The following ZSWIM5 variants were observed in gnomAD, a reference collection of about 807,000 sequenced individuals.
ZSWIM5 encodes zinc finger SWIM domain-containing protein 5.
ZSWIM5 carries 55 observed loss-of-function variants against 119.6 expected under a neutral mutation model. The observed-to-expected ratio is 0.46, with a 90% confidence interval of 0.37 to 0.58. The LOEUF (loss-of-function observed/expected upper bound fraction) is 0.58, where lower values mean the gene tolerates loss of function less well. Among genes scored for constraint, ZSWIM5 ranks in the 20% least tolerant of loss-of-function variants. The probability of loss-of-function intolerance (pLI) is 0.00; values close to 1 mark genes in which losing one functional copy is unlikely to be tolerated. For missense variants in ZSWIM5, 1,193 were observed against 1,512.8 expected (o/e 0.79, Z 3.51); for synonymous variants, 537 against 606.9 (o/e 0.88, Z 1.69).
At chr1:45,170,572 G>A (rs188657560) in intron 1 of ZSWIM5, among the ~76,000 whole-genome samples, 1 of 151,496 alleles carries the variant, frequency 6.6e-6, no homozygotes, top group African/African-American at 2.4e-5. Context: ...TTACAGGCAC[G>A]TACCACCATG....
intron 2 of ZSWIM5, among the ~76,000 whole-genome samples, chr1:45,067,955 G>C (rs1645195095): frequency 6.6e-6 from 1 of 152,036 alleles, no homozygotes; most frequent in Non-Finnish European, 1.5e-5. Flanking sequence ...GACAAGTGAA[G>C]ATAAGATAGA....
intron 1 of ZSWIM5, among the ~76,000 whole-genome samples, chr1:45,205,523 G>A (rs1646182389): frequency 6.6e-6 from 1 of 152,188 alleles, no homozygotes; most frequent in Non-Finnish European, 1.5e-5. Flanking sequence ...GTGAAGAAGA[G>A]AGATCTATTC....
chr1:45,109,603 G>C (rs1468298723), intron 1 of ZSWIM5, among the ~76,000 whole-genome samples: 1 of 151,964 alleles, frequency 6.6e-6, no homozygotes, highest in Admixed American at 6.6e-5. Flanking sequence ...AAATTTGCTG[G>C]GCATGGTGGC....
rs1645226646 is a variant in ZSWIM5, at chr1:45,072,313, T to C, written c.953-12066A>G. Among the ~76,000 whole-genome samples the C allele has an allele frequency of 6.6e-6, 1 of 152,036 alleles. No individual in the cohort carries two copies. The highest frequency in any genetic ancestry group is 2.4e-5 in the African/African-American group (1 of 41,262). Reference sequence around the variant, plus strand: ...ATTGAATTAAGCTCCTTATATATTCTTGTTATTAAGTCCTTGTCAGATGGG... The same window carrying C: ...ATTGAATTAAGCTCCTTATATATTCCTGTTATTAAGTCCTTGTCAGATGGG... On this transcript the variant is annotated intron_variant, in intron 2 of 13. Coordinates refer to ENST00000359600, the MANE Select transcript of ZSWIM5 (RefSeq NM_020883.2). The surrounding 1 kb of genome is among the most constrained non-coding windows in gnomAD (Gnocchi z 4.1).
intron 1 of ZSWIM5, among the ~76,000 whole-genome samples, chr1:45,164,511 A>C (rs1645887627): frequency 6.6e-6 from 1 of 152,178 alleles, no homozygotes; most frequent in African/African-American, 2.4e-5. Flanking sequence ...CTCCAATTAA[A>C]AGACACAGAC....
chr1:45,200,233 T>C (rs1023025735), intron 1 of ZSWIM5, among the ~76,000 whole-genome samples: 10 of 152,190 alleles, frequency 6.6e-5, no homozygotes, highest in African/African-American at 2.4e-4. Context: ...GTTGACTATA[T>C]ATGATTACAA....
chr1:45,061,372 CTTT>C (rs34346997), intron 2 of ZSWIM5, among the ~76,000 whole-genome samples: 93 of 143,336 alleles, frequency 6.5e-4, no homozygotes, highest in Admixed American at 1.4e-3. Context: ...TCTATGCATA[CTTT>C]TTTTTTTTTT....
intron 1 of ZSWIM5, among the ~76,000 whole-genome samples, chr1:45,196,032 T>A (rs1362466167): frequency 1.4e-5 from 2 of 142,154 alleles, no homozygotes; most frequent in African/African-American, 2.6e-5. Flanking sequence ...TACACCCAGC[T>A]AGTTTTTTTT....
intron 1 of ZSWIM5, among the ~76,000 whole-genome samples, chr1:45,171,495 T>C (rs979930979): frequency 1.3e-5 from 2 of 152,136 alleles, no homozygotes; most frequent in Non-Finnish European, 2.9e-5. Flanking sequence ...GAAAGTCTAC[T>C]AACAGTTTTA....
At chr1:45,155,188 AG>A (rs2149039267) in intron 1 of ZSWIM5, among the ~76,000 whole-genome samples, 1 of 152,274 alleles carries the variant, frequency 6.6e-6, no homozygotes, top group East Asian at 1.9e-4. Flanking sequence ...CAAATTAGCA[AG>A]AAAAAAAAAT....
chr1:45,163,928 T>G (rs1283172643), intron 1 of ZSWIM5, among the ~76,000 whole-genome samples: 2 of 152,132 alleles, frequency 1.3e-5, no homozygotes, highest in African/African-American at 4.8e-5. Context: ...TTCCCCAACC[T>G]AGCAAGGCAG....
chr1:45,037,011 G>A (rs1275926411), intron 8 of ZSWIM5, among the ~76,000 whole-genome samples: 1 of 151,408 alleles, frequency 6.6e-6, no homozygotes, highest in African/African-American at 2.4e-5. Flanking sequence ...ATGTTGCCCA[G>A]GCTGGTCTCA....
At chr1:45,056,610 C>CA (rs35492318) in intron 4 of ZSWIM5, among the ~76,000 whole-genome samples, 129,402 of 140,920 alleles carry the variant, frequency 0.92, 59,272 homozygotes, top group Middle Eastern at 0.97. Context: ...GACTCTGTCT[C>CA]AAAAAAAAAA....
At chr1:45,168,955 T>C (rs1645927903) in intron 1 of ZSWIM5, among the ~76,000 whole-genome samples, 1 of 152,062 alleles carries the variant, frequency 6.6e-6, no homozygotes, top group Non-Finnish European at 1.5e-5. Context: ...ACCTGCCTGG[T>C]TCCCCATAAA....
rs1293688617 is a variant in ZSWIM5 at position 45,018,534 on chromosome 1, C to G, written c.3478G>C (p.Ala1160Pro). ...TGTTTGAGGTTGTCGATGAACTGGG[C>G]AAACTGCAGGTGGCCATCCTGGGGC... Reference protein sequence around the residue: ...LLPQDGHLQFAQFIDNLKQIY... With the variant: ...LLPQDGHLQFPQFIDNLKQIY... The change falls in exon 14 of 14, where the codon GCC (alanine) becomes CCC (proline). Residue 1160 changes from alanine (A) to proline (P), a missense_variant. Coordinates refer to ENST00000359600, the MANE Select transcript of ZSWIM5 (RefSeq NM_020883.2). This position sits in a 1 kb window ranked among gnomAD's most constrained non-coding sequence, Gnocchi z 6.7. 6.2e-7 allele frequency: 1 copy of G among 1,614,130 alleles called. No individual in the cohort carries two copies. Among genetic ancestry groups the G allele is most frequent in the Non-Finnish European group, 8.5e-7 (1 of 1,180,014 alleles).
At chr1:45,126,715 C>A (rs948677923) in intron 1 of ZSWIM5, among the ~76,000 whole-genome samples, 4 of 150,994 alleles carry the variant, frequency 2.6e-5, no homozygotes, top group African/African-American at 9.8e-5. Flanking sequence ...CCTACCTGGA[C>A]AACATAGTGA....
intron 1 of ZSWIM5, among the ~76,000 whole-genome samples, chr1:45,197,056 G>T (rs1011754417): frequency 1.3e-5 from 2 of 152,190 alleles, no homozygotes; most frequent in Admixed American, 1.3e-4. Context: ...ATAGGCTGTG[G>T]CTTGCATCAA....
At position 45,072,821 on chromosome 1, in the gene ZSWIM5, A is replaced by G. The variant is rs912395581; in HGVS notation, c.953-12574T>C. On this transcript the variant is annotated intron_variant, in intron 2 of 13. Coordinates refer to ENST00000359600, the MANE Select transcript of ZSWIM5 (RefSeq NM_020883.2). This position sits in a 1 kb window ranked among gnomAD's most constrained non-coding sequence, Gnocchi z 4.1. ...ACAGTACCATGCTATTTTGGTTACT[A>G]TAGCTCTGTAGTATAATGTGAAGTC... 1.3e-5 allele frequency among the ~76,000 whole-genome samples: 2 copies of G among 151,956 alleles called. No homozygotes were observed. Among genetic ancestry groups the G allele is most frequent in the African/African-American group, 4.8e-5 (2 of 41,244 alleles).
chr1:45,088,155 A>T lies in ZSWIM5; in HGVS notation c.678T>A (p.Asp226Glu). The change falls in exon 2 of 14, where the codon GAT (aspartate) becomes GAA (glutamate). Residue 226 changes from aspartate to glutamate, a missense_variant. Transcript: ENST00000359600. The surrounding 1 kb of genome is among the most constrained non-coding windows in gnomAD (Gnocchi z 4.2). ...ATGTCACTGAGGTGATTTTGCATCG[A>T]TCAAAACTGATTGCAACTTTATAAG... The part of the protein sequence containing the change: ...AVTYKVAISF[D>E]RCKITSVTCG... 2 of 1,614,228 alleles carry T rather than the reference A, an allele frequency of 1.2e-6. No homozygotes were observed. Among genetic ancestry groups the T allele is most frequent in the Non-Finnish European group, 1.7e-6 (2 of 1,180,042 alleles).
Sources: allele counts gnomAD v4.1 joint callset (sites outside exome capture counted in the v4.1 genomes callset), GRCh38; gene constraint gnomAD v4.1.1; non-coding constraint Gnocchi (gnomAD v3.1); transcripts MANE v1.5; gene names NCBI Gene and HGNC (gene_info 2026-07-23, HGNC 2026-07-21).